Variants in TENM2 observed in about 807,000 individuals in gnomAD.
TENM2 encodes the protein teneurin transmembrane protein 2.
TENM2 carries 52 observed loss-of-function variants against 245.2 expected under a neutral mutation model. The observed-to-expected ratio is 0.21, with a 90% CI of 0.17 to 0.27. The LOEUF is 0.27. Among genes scored for constraint, TENM2 ranks in the 10% least tolerant of loss-of-function variants. The probability of loss-of-function intolerance (pLI) is 1.00; values close to 1 mark genes in which losing one functional copy is unlikely to be tolerated. For missense variants in TENM2, 3,046 were observed against 3,666.8 expected (o/e 0.83, Z 4.37); for synonymous variants, 1,363 against 1,438.9 (o/e 0.95, Z 1.19).
At chr5:167,089,956 G>A in the TENM2 span, among the ~76,000 whole-genome samples, 1 of 152,208 alleles carries the variant, frequency 6.6e-6, no homozygotes, top group East Asian at 1.9e-4. Context: ...CTAGCTCAGG[G>A]GAGGAGCTAC....
intron 2 of TENM2, among the ~76,000 whole-genome samples, chr5:167,584,353 ACTTGGCCAACAACCAGT>A (rs1421696831): frequency 6.6e-6 from 1 of 152,204 alleles, no homozygotes; most frequent in Non-Finnish European, 1.5e-5. Flanking sequence ...GTAAATGAAG[ACTTGGCCAACAACCAGT>A]CTGATTGGTT....
chr5:167,188,959 T>G, the TENM2 span, among the ~76,000 whole-genome samples: 1 of 152,170 alleles, frequency 6.6e-6, no homozygotes, highest in South Asian at 2.1e-4. Flanking sequence ...GACCCAAAGG[T>G]CCGTGATGTT....
At chr5:167,609,488 C>CAAAAAAAAAAAAAAAAA (rs5873049) in intron 2 of TENM2, among the ~76,000 whole-genome samples, 4 of 36,690 alleles carry the variant, frequency 1.1e-4, no homozygotes, top group African/African-American at 3.0e-4. Context: ...CCTGATGATG[C>CAAAAAAAAAAAAAAAAA]AAAAAAAAAA....
chr5:167,428,791 G>A lies in TENM2; in HGVS notation c.502+53318G>A, dbSNP rs191302366. Among the ~76,000 whole-genome samples the A allele has an allele frequency of 5.0e-4, 76 of 152,228 alleles. 1 individual carries two copies. Among genetic ancestry groups the A allele is most frequent in the African/African-American group, 1.6e-3 (68 of 41,520 alleles). On this transcript the variant is annotated intron_variant, in intron 2 of 28. Transcript: ENST00000518659. ...ATCCACCTTCAATAATTGTTCAATC[G>A]AGGCCGAGCTCAGTGCATAGAGACA...
chr5:167,228,003 A>C, the TENM2 span, among the ~76,000 whole-genome samples: 1 of 151,366 alleles, frequency 6.6e-6, no homozygotes, highest in South Asian at 2.1e-4. Context: ...CCTGTCTTCA[A>C]GTTCTGAGAT....
the TENM2 span, among the ~76,000 whole-genome samples, chr5:167,059,112 C>T: frequency 2.1e-3 from 316 of 152,278 alleles, 2 homozygotes; most frequent in African/African-American, 6.8e-3. Flanking sequence ...TATGATCCAT[C>T]ATTTAAATGT....
At chr5:168,028,816 A>G (rs1432901079) in intron 5 of TENM2, among the ~76,000 whole-genome samples, 1 of 151,136 alleles carries the variant, frequency 6.6e-6, no homozygotes, top group Admixed American at 6.6e-5. Flanking sequence ...AAAAAAAAAA[A>G]AATGGGCTTG....
chr5:167,106,198 T>C, the TENM2 span, among the ~76,000 whole-genome samples: 1 of 152,144 alleles, frequency 6.6e-6, no homozygotes, highest in Non-Finnish European at 1.5e-5. Context: ...ATTGCTCCAT[T>C]TGGTTCACAA....
At chr5:168,132,048 C>G (rs1754628843) in intron 12 of TENM2, among the ~76,000 whole-genome samples, 1 of 148,614 alleles carries the variant, frequency 6.7e-6, no homozygotes, top group Non-Finnish European at 1.5e-5. Flanking sequence ...TATAATTTGG[C>G]CAAAACATGA....
the TENM2 span, among the ~76,000 whole-genome samples, chr5:167,238,716 A>C: frequency 1.3e-5 from 2 of 150,550 alleles, no homozygotes; most frequent in African/African-American, 4.9e-5. Flanking sequence ...AAAAAAAAGC[A>C]AATAAAATAG....
At chr5:168,128,531 C>T (rs767657565) in intron 12 of TENM2, among the ~76,000 whole-genome samples, 4 of 152,220 alleles carry the variant, frequency 2.6e-5, no homozygotes, top group Non-Finnish European at 2.9e-5. Context: ...CTCCCCTTTG[C>T]TCCCCCTTCC....
intron 17 of TENM2, 43 bp downstream of exon 19, chr5:168,200,174 C>T (rs746538802): frequency 6.4e-7 from 1 of 1,570,726 alleles, no homozygotes; most frequent in East Asian, 2.3e-5. Context: ...TGGATTTAGT[C>T]ATGTGTTAAT....
intron 2 of TENM2, among the ~76,000 whole-genome samples, chr5:167,454,686 TA>T (rs1256941494): frequency 6.6e-6 from 1 of 152,194 alleles, no homozygotes; most frequent in African/African-American, 2.4e-5. Flanking sequence ...TATTTTCCTC[TA>T]TATTACCTTT....
chr5:167,847,487 A>G (rs577907863), intron 2 of TENM2, among the ~76,000 whole-genome samples: 8 of 152,188 alleles, frequency 5.3e-5, no homozygotes, highest in Non-Finnish European at 8.8e-5. Flanking sequence ...AACAAATCAA[A>G]TGCCAACCTC....
At chr5:168,063,375 T>C (rs115096638) in intron 7 of TENM2, among the ~76,000 whole-genome samples, 2,011 of 152,290 alleles carry the variant, frequency 0.013, 31 homozygotes, top group Non-Finnish European at 0.016. Flanking sequence ...AGTTCTATTA[T>C]TATACATAAC....
At chr5:167,407,168 T>A (rs1762678826) in intron 2 of TENM2, among the ~76,000 whole-genome samples, 1 of 152,138 alleles carries the variant, frequency 6.6e-6, no homozygotes, top group Non-Finnish European at 1.5e-5. Context: ...AGTATCATTG[T>A]CATTGTGTTA....
At chr5:167,794,829 G>A (rs1222046957) in intron 2 of TENM2, among the ~76,000 whole-genome samples, 2 of 152,168 alleles carry the variant, frequency 1.3e-5, no homozygotes, top group African/African-American at 4.8e-5. Context: ...ATTGCATCCT[G>A]GGACAGAAAA....
intron 1 of TENM2, among the ~76,000 whole-genome samples, chr5:167,327,409 T>C (rs1757153935): frequency 6.6e-6 from 1 of 152,240 alleles, no homozygotes; most frequent in African/African-American, 2.4e-5. Context: ...TTAATGAGTT[T>C]GTAGTTCAAT....
the TENM2 span, among the ~76,000 whole-genome samples, chr5:167,173,574 C>G: frequency 5.3e-5 from 8 of 152,062 alleles, no homozygotes; most frequent in Non-Finnish European, 8.8e-5. Context: ...ATGTTGGAAC[C>G]TTGATTTTTT....
Sources: gnomAD v4.1 joint callset for allele counts (sites outside exome capture counted in the v4.1 genomes callset) on GRCh38, gnomAD v4.1.1 for gene constraint, MANE v1.5 for transcripts, NCBI Gene and HGNC (gene_info 2026-07-23, HGNC 2026-07-21) for gene names.